Variants in LY75 observed in about 807,000 individuals in gnomAD.
LY75 encodes lymphocyte antigen 75, also known as C-type lectin domain family 13 member B.
Under a neutral mutation model 231.7 loss-of-function variants are expected in LY75, and 185 were observed. The observed-to-expected ratio is 0.80, with a 90% CI of 0.71 to 0.90. The LOEUF (loss-of-function observed/expected upper bound fraction) is 0.90. LY75 is among the 40% of genes least tolerant of loss of function. LY75 has a pLI of 0.00. For missense variants in LY75, 1,947 were observed against 2,050.2 expected, an observed-to-expected ratio of 0.95 and a Z score of 0.97; for synonymous variants, 668 against 689.0, an observed-to-expected ratio of 0.97 and a Z score of 0.48.
At chr2:159,895,082 C>G (rs1172814681) in intron 2 of LY75, among the ~76,000 whole-genome samples, 3 of 152,196 alleles carry the variant, frequency 2.0e-5, no homozygotes, top group Non-Finnish European at 4.4e-5. Flanking sequence ...AAATGTCTCA[C>G]AGATTTGCTT....
rs779281491 is a variant in LY75 at position 159,849,968 on chromosome 2, A to T, written c.3150+12T>A. ...AGAGGTATGAAGAGTATTGGTTTTT[A>T]AAAAAACTTACATTTTCTGGTATTC... On this transcript the variant is annotated intron_variant, in intron 23 of 34. Coordinates refer to ENST00000263636, the MANE Select transcript of LY75 (RefSeq NM_002349.4). 34 of 1,607,432 alleles carry T rather than the reference A, an allele frequency of 2.1e-5. No individual in the cohort carries two copies. Among genetic ancestry groups the T allele is most frequent in the African/African-American group, 9.4e-5 (7 of 74,392 alleles).
Position 159,880,449 on chromosome 2 carries a change from G to T in LY75, c.1404+634C>A, listed in dbSNP as rs138484607. 6.8e-3 allele frequency among the ~76,000 whole-genome samples: 1,028 copies of T among 152,268 alleles called. 5 individuals carry two copies. The highest frequency in any genetic ancestry group is 0.021 in the South Asian group (103 of 4,828). On this transcript the variant is annotated intron_variant, in intron 8 of 34. Transcript: ENST00000263636. ...TTTTCAGGTTAAATTGTGGCTATCT[G>T]CCGAATATCACACTGATGGCAGAAA...
chr2:159,817,145 A>G, intron 29 of LY75, 113 bp from the exon 30 acceptor site: 3 of 1,123,548 alleles, frequency 2.7e-6, no homozygotes, highest in East Asian at 2.6e-5. Flanking sequence ...TTTCTTATTA[A>G]TAAGGGAGGT....
chr2:159,866,307 TTTTC>T (rs1314473884), intron 13 of LY75, among the ~76,000 whole-genome samples: 4 of 152,310 alleles, frequency 2.6e-5, no homozygotes, highest in Admixed American at 2.0e-4. Flanking sequence ...AAATAATTGC[TTTTC>T]TTTATTTCTT....
intron 8 of LY75, among the ~76,000 whole-genome samples, chr2:159,880,112 A>G (rs1276176152): frequency 5.3e-5 from 8 of 152,188 alleles, no homozygotes; most frequent in Non-Finnish European, 1.0e-4. Context: ...CTTCTTTTAA[A>G]TACACATAAT....
chr2:159,876,735 G>A (rs541198143), intron 11 of LY75, among the ~76,000 whole-genome samples: 1 of 152,096 alleles, frequency 6.6e-6, no homozygotes, highest in South Asian at 2.1e-4. Context: ...GCCAGGCACG[G>A]TGGCTCACGC....
At chr2:159,850,513 A>G in intron 21 of LY75, 46 bp from the exon 22 acceptor site, 5 of 1,609,372 alleles carry the variant, frequency 3.1e-6, no homozygotes, top group Non-Finnish European at 4.2e-6. Context: ...AGACACAGGA[A>G]CGCTCACATA....
At chr2:159,824,605 C>T (rs971809091) in intron 28 of LY75, among the ~76,000 whole-genome samples, 4 of 152,174 alleles carry the variant, frequency 2.6e-5, no homozygotes, top group African/African-American at 9.7e-5. Context: ...AGCTCTGGAC[C>T]AAGTGGACCT....
intron 28 of LY75, 49 bp from the exon 29 acceptor site, chr2:159,819,969 G>T: frequency 6.6e-7 from 1 of 1,517,888 alleles, no homozygotes; most frequent in South Asian, 1.3e-5. Context: ...ATCAAGACTT[G>T]AATTACACTT....
intron 30 of LY75, 63 bp from the exon 31 acceptor site, chr2:159,815,636 A>G: frequency 6.5e-7 from 1 of 1,543,444 alleles, no homozygotes; most frequent in Non-Finnish European, 8.8e-7. Flanking sequence ...GAATACAAAG[A>G]ACAACATACA....
intron 13 of LY75, among the ~76,000 whole-genome samples, chr2:159,870,674 C>CTTT (rs34789684): frequency 2.0e-4 from 29 of 141,638 alleles, no homozygotes; most frequent in East Asian, 6.2e-4. Flanking sequence ...CCAGCTAATT[C>CTTT]TTTTTTTTTT....
chr2:159,851,591 T>C (rs1684403761), intron 21 of LY75, among the ~76,000 whole-genome samples: 1 of 152,206 alleles, frequency 6.6e-6, no homozygotes, highest in African/African-American at 2.4e-5. Context: ...ACAGAATAAA[T>C]CTTTTCTCAT....
chr2:159,900,511 T>C (rs552312785), intron 1 of LY75, among the ~76,000 whole-genome samples: 2 of 152,356 alleles, frequency 1.3e-5, no homozygotes, highest in African/African-American at 4.8e-5. Flanking sequence ...ACTTTCATTT[T>C]GATACCAGCT....
chr2:159,900,783 T>A (rs970606954), intron 1 of LY75, among the ~76,000 whole-genome samples: 1 of 152,178 alleles, frequency 6.6e-6, no homozygotes, highest in Non-Finnish European at 1.5e-5. Context: ...AAATCTGAAT[T>A]TTAAAAGTAT....
chr2:159,885,375 A>T, intron 5 of LY75, 82 bp from the exon 6 acceptor site: 1 of 1,520,178 alleles, frequency 6.6e-7, no homozygotes, highest in Non-Finnish European at 8.8e-7. Context: ...TTGTATTCCT[A>T]ATTTTATGCT....
chr2:159,878,765 A>G, intron 9 of LY75, 44 bp from the exon 10 acceptor site: 1 of 1,604,040 alleles, frequency 6.2e-7, no homozygotes. Context: ...TCCAGACTTG[A>G]TGGTGTCCCG....
In LY75 at chr2:159,815,429, C is replaced by G. The variant is rs1459366172; in HGVS notation, c.4525G>C (p.Ala1509Pro). The G allele has an allele frequency of 1.2e-6, 2 of 1,608,234 alleles. No homozygotes were observed. Among genetic ancestry groups the G allele is most frequent in the Non-Finnish European group, 1.7e-6 (2 of 1,178,564 alleles). Residue 1509 changes from alanine to proline, a missense_variant, in exon 31 of 35, where the codon GCT becomes CCT. By Grantham distance (27) the Ala-to-Pro change is conservative. Coordinates refer to ENST00000263636, the MANE Select transcript of LY75 (RefSeq NM_002349.4). ...CATTTTGTAGGTTTATAACAAATAG[C>G]ACCATCCTTAACAGAGTTGCATTTT... ...HEKCNSVKDG[A>P]ICYKPTKSKK... is the part of the protein sequence containing the mutation.
At chr2:159,848,245 G>A (rs915525621) in intron 23 of LY75, among the ~76,000 whole-genome samples, 1 of 151,652 alleles carries the variant, frequency 6.6e-6, no homozygotes, top group Non-Finnish European at 1.5e-5. Context: ...TGAATTAATG[G>A]CATTCACAGC....
At chr2:159,841,978 T>A (rs1420111805) in intron 24 of LY75, among the ~76,000 whole-genome samples, 1 of 152,152 alleles carries the variant, frequency 6.6e-6, no homozygotes, top group Non-Finnish European at 1.5e-5. Context: ...GATTTAGCCA[T>A]GCTGAAATTT....
Sources: gnomAD v4.1 joint callset for allele counts (sites outside exome capture counted in the v4.1 genomes callset) on GRCh38, gnomAD v4.1.1 for gene constraint, MANE v1.5 for transcripts, NCBI Gene and HGNC (gene_info 2026-07-23, HGNC 2026-07-21) for gene names.